Variants in MYLK4 observed in about 807,000 individuals in gnomAD.
MYLK4 encodes caMLCK like.
In MYLK4, 46 loss-of-function variants were observed where a neutral mutation model predicts 48.1. That is an observed-to-expected ratio of 0.96 (90% CI 0.75 to 1.22). MYLK4 has a LOEUF of 1.22. Among genes scored for constraint, MYLK4 ranks in the 50% most tolerant of loss-of-function variants. The pLI is 0.00. For missense variants in MYLK4, 451 were observed against 486.1 expected (o/e 0.93, Z 0.68); for synonymous variants, 170 against 180.8 (o/e 0.94, Z 0.48).
chr6:2,718,328 T>C (rs1281812873), intron 2 of MYLK4, among the ~76,000 whole-genome samples: 4 of 152,222 alleles, frequency 2.6e-5, no homozygotes, highest in African/African-American at 9.6e-5. Context: ...GAGTGAGTCA[T>C]AGATTGCTAG....
intron 2 of MYLK4, among the ~76,000 whole-genome samples, chr6:2,727,002 G>A (rs150228427): frequency 1.2e-3 from 180 of 152,322 alleles, no homozygotes; most frequent in African/African-American, 4.0e-3. Context: ...CACAGCGGGA[G>A]AGATCAGTTT....
At chr6:2,675,214 G>A (rs1233843345) in intron 10 of MYLK4, 89 bp from the exon 11 acceptor site, 8 of 931,726 alleles carry the variant, frequency 8.6e-6, no homozygotes, top group East Asian at 7.3e-5. Context: ...TTCTGCCTTC[G>A]GGAGACCAGA....
intron 9 of MYLK4, among the ~76,000 whole-genome samples, chr6:2,679,077 C>T (rs965507766): frequency 6.6e-6 from 1 of 152,188 alleles, no homozygotes; most frequent in Non-Finnish European, 1.5e-5. Context: ...AGAGGACACA[C>T]ATTTACTTTT....
the MYLK4 span, among the ~76,000 whole-genome samples, chr6:2,763,810 G>GA: frequency 1.3e-5 from 2 of 151,930 alleles, no homozygotes; most frequent in African/African-American, 4.8e-5. Context: ...TGAGAGGGCT[G>GA]CCAGAATGCT....
Position 2,694,516 on chromosome 6 carries a change from T to C in MYLK4, c.160-1657A>G, listed in dbSNP as rs1420758297. ...ATGGTGGTGGTGGTGGTGGTGGCGG[T>C]GGTGGTGGTGGTGGTAGTAGTGTTG... is the stretch of plus-strand genomic sequence containing the variant. On this transcript the variant is annotated intron_variant, in intron 2 of 12. Transcript: ENST00000274643. 6.7e-4 allele frequency among the ~76,000 whole-genome samples: 5 copies of C among 7,424 alleles called. 1 individual carries two copies. The highest frequency in any genetic ancestry group is 1.8e-3 in the Admixed American group (1 of 562). 4.9% of individuals were successfully genotyped at this position (7,424 alleles called of 152,430 possible). A position where few individuals can be genotyped will look rare whatever the true frequency, so the allele number is the denominator to read the frequency against.
chr6:2,698,996 C>G (rs1762172732), intron 2 of MYLK4, among the ~76,000 whole-genome samples: 1 of 152,194 alleles, frequency 6.6e-6, no homozygotes, highest in Non-Finnish European at 1.5e-5. Flanking sequence ...CCCCAGGCTG[C>G]TGATGACATC....
chr6:2,744,744 G>A (rs573783566), intron 2 of MYLK4, among the ~76,000 whole-genome samples: 6 of 152,146 alleles, frequency 3.9e-5, no homozygotes, highest in Non-Finnish European at 5.9e-5. Context: ...AGTCTGCTGG[G>A]GCCATGCTTG....
the MYLK4 span, chr6:2,770,355 G>T: frequency 3.1e-6 from 5 of 1,614,024 alleles, no homozygotes; most frequent in Non-Finnish European, 4.2e-6. Context: ...AGCAACAGCA[G>T]CTCAGAGTAA....
intron 11 of MYLK4, 61 bp downstream of exon 11, chr6:2,674,986 T>C (rs947475496): frequency 1.7e-6 from 2 of 1,151,196 alleles, no homozygotes; most frequent in Admixed American, 1.7e-5. Flanking sequence ...GACTCCAGCA[T>C]CTGATCTTCA....
chr6:2,681,975 A>C (rs1022017444), intron 7 of MYLK4, among the ~76,000 whole-genome samples: 1 of 152,216 alleles, frequency 6.6e-6, no homozygotes, highest in Non-Finnish European at 1.5e-5. Flanking sequence ...GGGTTTTGCT[A>C]ATGATTTTTA....
chr6:2,766,252 C>T, the MYLK4 span: 6 of 1,522,072 alleles, frequency 3.9e-6, no homozygotes, highest in East Asian at 5.1e-5. Flanking sequence ...GCCCGCACCC[C>T]CGGGCGCTGG....
At chr6:2,700,234 C>A (rs1762236723) in intron 2 of MYLK4, among the ~76,000 whole-genome samples, 1 of 152,080 alleles carries the variant, frequency 6.6e-6, no homozygotes. Context: ...TTTTTGTTAT[C>A]CAAACTGTTC....
chr6:2,692,860 C>A lies in MYLK4; in HGVS notation c.160-1G>T. 7 of 1,612,372 alleles carry A rather than the reference C, an allele frequency of 4.3e-6. No individual in the cohort carries two copies. Among genetic ancestry groups the A allele is most frequent in the Non-Finnish European group, 5.9e-6 (7 of 1,179,136 alleles). ...CGGCGTTTGACCACACCTCCTTCGC[C>A]TGTGGAGGCACAATTGAGTAATTGA... is the stretch of plus-strand genomic sequence containing the variant. On this transcript the variant is annotated splice_acceptor_variant, in intron 2 of 12. Transcript: ENST00000274643. LOFTEE classifies it high-confidence loss of function.
chr6:2,761,277 G>A, the MYLK4 span, among the ~76,000 whole-genome samples: 9 of 151,968 alleles, frequency 5.9e-5, no homozygotes, highest in Non-Finnish European at 1.2e-4. Context: ...TAAACAGTGA[G>A]GTATTAAAGG....
In MYLK4 at chr6:2,667,487, T is replaced by C. The variant is rs1487589648; in HGVS notation, c.*438A>G. The C allele has an allele frequency of 2.0e-5, 3 of 152,136 alleles. No individual in the cohort carries two copies. The highest frequency in any genetic ancestry group is 2.9e-5 in the Non-Finnish European group (2 of 68,026). The allele number at this position is 152,136 out of a possible 1,614,324, so 9.4% of individuals were successfully genotyped here. A position where few individuals can be genotyped will look rare whatever the true frequency, so the allele number is the denominator to read the frequency against. On this transcript the variant is annotated 3_prime_UTR_variant, in exon 13 of 13. Transcript: ENST00000274643. ...CTAATTGCCCCTTCCAAAGGCATAG[T>C]CTAATGGCTGGAAGTAGCTTTCTCC...
intron 12 of MYLK4, 38 bp downstream of exon 12, chr6:2,671,238 G>T: frequency 7.5e-7 from 1 of 1,324,608 alleles, no homozygotes; most frequent in Non-Finnish European, 1.1e-6. Context: ...ATCTCTTAAG[G>T]CCTTCACAGA....
At chr6:2,751,538 C>G (rs1211750149), upstream of MYLK4, among the ~76,000 whole-genome samples, 1 of 152,178 alleles carries the variant, frequency 6.6e-6, no homozygotes, top group Non-Finnish European at 1.5e-5. Context: ...TTCAACCCAC[C>G]TGCCCGACTC....
chr6:2,695,101 G>A (rs939117187), intron 2 of MYLK4, among the ~76,000 whole-genome samples: 1 of 152,186 alleles, frequency 6.6e-6, no homozygotes, highest in African/African-American at 2.4e-5. Flanking sequence ...AAAAAAAGGA[G>A]AGAATTTAAG....
At chr6:2,688,723 G>A (rs2113153911) in intron 4 of MYLK4, 128 bp downstream of exon 4, 2 of 754,516 alleles carry the variant, frequency 2.7e-6, no homozygotes, top group Admixed American at 2.3e-5. Context: ...TTCAGAAATG[G>A]TTACTGTTTC....
Sources: gnomAD v4.1 joint callset for allele counts (sites outside exome capture counted in the v4.1 genomes callset) on GRCh38, gnomAD v4.1.1 for gene constraint, MANE v1.5 for transcripts, NCBI Gene and HGNC (gene_info 2026-07-23, HGNC 2026-07-21) for gene names.